SP110: variants seen among roughly 807,000 people sequenced by gnomAD.
SP110 encodes SP110 nuclear body protein.
A neutral mutation model predicts 92.7 loss-of-function variants in SP110; 62 were observed. The observed-to-expected ratio is 0.67, with a 90% CI of 0.55 to 0.83. The LOEUF (loss-of-function observed/expected upper bound fraction) is 0.83, where lower values mean the gene tolerates loss of function less well. Among genes scored for constraint, SP110 ranks in the 40% least tolerant of loss-of-function variants. The pLI is 0.00. For synonymous variants in SP110, 273 were observed against 305.3 expected, an observed-to-expected ratio of 0.89 and a Z score of 1.10; for missense variants, 793 against 863.9, an observed-to-expected ratio of 0.92 and a Z score of 1.03.
rs199844454 is a variant in SP110 at position 230,183,578 on chromosome 2, G to A, written c.1342C>T (p.Arg448Ter). ...SKRRFQKNIH[R>*]RGKPKSDTVD... The stretch of plus-strand genomic sequence containing the variant: ...CTGTGGCTTGCTTGCTTACCTCTTC[G>A]GTGAATATTTTTCTGAAATCTCCTT... Residue 448 changes from arginine (R) to a stop codon, truncating the protein, a stop_gained, in exon 12 of 19, where the codon CGA becomes TGA. Coordinates refer to ENST00000258381, the MANE Select transcript of SP110 (RefSeq NM_080424.4). LOFTEE classifies it high-confidence loss of function. 5.6e-6 allele frequency: 9 copies of A among 1,608,684 alleles called. No individual in the cohort carries two copies. The highest frequency in any genetic ancestry group is 5.1e-6 in the Non-Finnish European group (6 of 1,175,282).
At chr2:230,176,851 C>G (rs1187562972) in intron 14 of SP110, 1 of 996,742 alleles carries the variant, frequency 1.0e-6, no homozygotes, top group Non-Finnish European at 1.5e-6. Flanking sequence ...CCCAAGAAGT[C>G]AAAAAGAAAA....
At chr2:230,194,407 C>T (rs1172457210) in intron 10 of SP110, among the ~76,000 whole-genome samples, 1 of 151,386 alleles carries the variant, frequency 6.6e-6, no homozygotes, top group Admixed American at 6.6e-5. Context: ...CAAGACCAGC[C>T]TGGACAACAT....
Position 230,210,013 on chromosome 2 carries a change from C to T in SP110, c.752-5G>A, listed in dbSNP as rs533665607. Reference sequence around the variant, plus strand: ...CTGGAGAATTATCTCTTATCTCTGACAAAAGAAATATAAGTCATTTCAGAG... The same window carrying T: ...CTGGAGAATTATCTCTTATCTCTGATAAAAGAAATATAAGTCATTTCAGAG... On this transcript the variant is annotated splice_region_variant and splice_polypyrimidine_tract_variant and intron_variant, in intron 6 of 18. Coordinates refer to ENST00000258381, the MANE Select transcript of SP110 (RefSeq NM_080424.4). 1 of 1,573,032 alleles carries T rather than the reference C, an allele frequency of 6.4e-7. No individual in the cohort carries two copies. The highest frequency in any genetic ancestry group is 8.8e-7 in the Non-Finnish European group (1 of 1,142,736).
chr2:230,186,555 A>G (rs2042368225), intron 10 of SP110, among the ~76,000 whole-genome samples: 1 of 152,206 alleles, frequency 6.6e-6, no homozygotes, highest in African/African-American at 2.4e-5. Context: ...GTTTTTGGTT[A>G]CATGGATGAA....
At position 230,211,613 on chromosome 2, in the gene SP110, G is replaced by A; in HGVS notation, c.668-60C>T. On this transcript the variant is annotated intron_variant, in intron 5 of 18. Transcript: ENST00000258381. The surrounding 1 kb of genome is among the most constrained non-coding windows in gnomAD (Gnocchi z 4.2). Reference sequence around the variant, plus strand: ...AACAGCAAGCAGGGACCAGAATGAGGAGAAAAGAGAATGCTCTATTCCAAC... The same window carrying A: ...AACAGCAAGCAGGGACCAGAATGAGAAGAAAAGAGAATGCTCTATTCCAAC... 1 of 992,286 alleles carries A rather than the reference G, an allele frequency of 1.0e-6. No homozygotes were observed. The highest frequency in any genetic ancestry group is 1.6e-6 in the Non-Finnish European group (1 of 613,164). The allele number at this position is 992,286 out of a possible 1,614,324, so 61.5% of individuals were successfully genotyped here.
chr2:230,185,882 T>C, intron 11 of SP110, 112 bp downstream of exon 11: 2 of 934,216 alleles, frequency 2.1e-6, no homozygotes, highest in Admixed American at 3.4e-5. Context: ...CTCTTTTCTG[T>C]ACGTCTCCCT....
At chr2:230,191,676 G>T (rs1043043455) in intron 10 of SP110, among the ~76,000 whole-genome samples, 2 of 152,074 alleles carry the variant, frequency 1.3e-5, no homozygotes, top group Non-Finnish European at 2.9e-5. Flanking sequence ...AGGACCAGAT[G>T]GATTCACAGC....
intron 14 of SP110, among the ~76,000 whole-genome samples, chr2:230,174,689 A>G (rs973003336): frequency 1.3e-5 from 2 of 152,242 alleles, no homozygotes; most frequent in African/African-American, 4.8e-5. Flanking sequence ...CCAGCTGCCC[A>G]TCATGTGTGG....
At chr2:230,221,056 G>C (rs192822768), upstream of SP110, among the ~76,000 whole-genome samples, 3 of 152,104 alleles carry the variant, frequency 2.0e-5, no homozygotes, top group Non-Finnish European at 4.4e-5. Context: ...GCTGAGATGG[G>C]TGGATCACAA....
chr2:230,200,694 T>G, intron 10 of SP110, 191 bp downstream of exon 10: 1 of 621,964 alleles, frequency 1.6e-6, no homozygotes, highest in Non-Finnish European at 2.8e-6. Context: ...ACACATTACA[T>G]AAAATGGACA....
In SP110 at chr2:230,186,242, C is replaced by T. The variant is rs950143511; in HGVS notation, c.1130-99G>A. ...TATCTTGCCATTTCTCTATAATTCT[C>T]TCTTTTCTTGTGTGTATCTTTCTTC... On this transcript the variant is annotated intron_variant, in intron 10 of 18. Coordinates refer to ENST00000258381, the MANE Select transcript of SP110 (RefSeq NM_080424.4). 6.0e-6 allele frequency: 7 copies of T among 1,171,980 alleles called. No individual in the cohort carries two copies. The East Asian group carries it at 1.5e-4, about 25-fold the overall frequency. The allele number at this position is 1,171,980 out of a possible 1,614,324, so 72.6% of individuals were successfully genotyped here.
chr2:230,224,324 C>T (rs905711458), upstream of SP110, among the ~76,000 whole-genome samples: 7 of 151,918 alleles, frequency 4.6e-5, no homozygotes, highest in African/African-American at 1.2e-4. Flanking sequence ...CTGGAGCAGG[C>T]GGTATAGTCT....
chr2:230,169,654 A>C (rs2078381850), intron 18 of SP110, among the ~76,000 whole-genome samples: 1 of 152,116 alleles, frequency 6.6e-6, no homozygotes, highest in Non-Finnish European at 1.5e-5. Context: ...CCCAGCAGTA[A>C]GGCAGAATGG....
intron 18 of SP110, 27 bp downstream of exon 18, chr2:230,170,594 A>C: frequency 6.2e-7 from 1 of 1,613,958 alleles, no homozygotes; most frequent in African/African-American, 1.3e-5. Context: ...GAAAAGACGC[A>C]AAAAGGAAGC....
chr2:230,173,443 C>A, intron 14 of SP110: 2 of 199,476 alleles, frequency 1.0e-5, no homozygotes, highest in Non-Finnish European at 2.1e-5. Context: ...CCACAGTGGG[C>A]ATGGATGCTA....
intron 13 of SP110, 31 bp downstream of exon 13, chr2:230,178,126 A>G (rs747254420): frequency 2.2e-6 from 3 of 1,356,058 alleles, no homozygotes; most frequent in Non-Finnish European, 3.2e-6. Context: ...TCATCTAGGG[A>G]TTCCAAAGAG....
At chr2:230,221,020 C>T (rs1490562803), upstream of SP110, among the ~76,000 whole-genome samples, 9 of 151,806 alleles carry the variant, frequency 5.9e-5, no homozygotes, top group Middle Eastern at 3.4e-3. Flanking sequence ...CGGTGGCTCA[C>T]GCCTGTAATC....
At chr2:230,216,644 C>T in intron 2 of SP110, 137 bp downstream of exon 2, 3 of 1,035,502 alleles carry the variant, frequency 2.9e-6, no homozygotes, top group Non-Finnish European at 4.5e-6. Context: ...TAACTACCCC[C>T]ACCTTCTGTG....
Position 230,183,622 on chromosome 2 carries a change from T to C in SP110, c.1298A>G (p.Asp433Gly), listed in dbSNP as rs1157982871. Residue 433 changes from aspartate (D) to glycine (G), a missense_variant, in exon 12 of 19, where the codon GAT (aspartate) becomes GGT (glycine). Physicochemically the swap from Asp to Gly is moderately conservative, Grantham distance 94. Coordinates refer to ENST00000258381, the MANE Select transcript of SP110 (RefSeq NM_080424.4). Reference protein sequence around the residue: ...SRLKEKKKEKDICSSSKRRFQ... With the variant: ...SRLKEKKKEKGICSSSKRRFQ... ...TCTCCTTTTTGAGCTTGAACAGATA[T>C]CTTTCTCCTTTTTCTTTTCTAAACA... The C allele has an allele frequency of 6.3e-7, 1 of 1,588,236 alleles. No homozygotes were observed.
Sources: gnomAD v4.1 joint callset for allele counts (sites outside exome capture counted in the v4.1 genomes callset) on GRCh38, gnomAD v4.1.1 for gene constraint, Gnocchi (gnomAD v3.1) non-coding constraint, MANE v1.5 for transcripts, NCBI Gene and HGNC (gene_info 2026-07-23, HGNC 2026-07-21) for gene names.